KIRREL3: variants seen among roughly 807,000 people sequenced by gnomAD.
KIRREL3 encodes kin of IRRE-like protein 3.
A neutral mutation model predicts 89.7 loss-of-function variants in KIRREL3; 36 were observed. That is an observed-to-expected ratio of 0.40 (90% CI 0.31 to 0.53). The LOEUF is 0.53. KIRREL3 is among the 20% of genes least tolerant of loss of function. The pLI, the probability that KIRREL3 is intolerant of heterozygous loss-of-function variation, is 0.49. For missense variants in KIRREL3, 864 were observed against 1,056.6 expected, an observed-to-expected ratio of 0.82 and a Z score of 2.53; for synonymous variants, 445 against 441.4, an observed-to-expected ratio of 1.01 and a Z score of -0.10.
At chr11:126,834,126 C>T (rs1052941697) in intron 1 of KIRREL3, among the ~76,000 whole-genome samples, 1 of 152,166 alleles carries the variant, frequency 6.6e-6, no homozygotes. Context: ...TAACCTACTG[C>T]AATACATAAA....
Position 126,903,122 on chromosome 11 carries a change from G to T in KIRREL3, c.55+97333C>A, listed in dbSNP as rs148101253. Among the ~76,000 whole-genome samples the T allele has an allele frequency of 2.6e-5, 4 of 152,238 alleles. No individual in the cohort carries two copies. The highest frequency in any genetic ancestry group is 9.6e-5 in the African/African-American group (4 of 41,534). ...AATTATTTAAAAAAGAATAGCTGTG[G>T]TAAAGCACTCTCTCAGGCACAAATA... On this transcript the variant is annotated intron_variant, in intron 1 of 16. Coordinates refer to ENST00000525144, the MANE Select transcript of KIRREL3 (RefSeq NM_032531.4). The surrounding 1 kb of genome is among the most constrained non-coding windows in gnomAD (Gnocchi z 4.5).
intron 1 of KIRREL3, among the ~76,000 whole-genome samples, chr11:126,813,818 A>T (rs1164206344): frequency 6.6e-6 from 1 of 152,178 alleles, no homozygotes; most frequent in African/African-American, 2.4e-5. Context: ...CCCTAGAAGA[A>T]AATCTAGGCA....
intron 1 of KIRREL3, among the ~76,000 whole-genome samples, chr11:126,765,234 C>T (rs931011717): frequency 3.9e-5 from 6 of 152,164 alleles, no homozygotes; most frequent in African/African-American, 1.4e-4. Context: ...TCAGTTTCCT[C>T]ATCTGTAAAA....
rs374459331 is a variant in KIRREL3, at chr11:126,884,432, T to C, written c.55+116023A>G. ...CCCAATACATGTGCATTAAAAAGTTTATACTCTGGGCTCAAAGTTCAAGCA... is the reference window on the plus strand; with the variant it reads ...CCCAATACATGTGCATTAAAAAGTTCATACTCTGGGCTCAAAGTTCAAGCA... On this transcript the variant is annotated intron_variant, in intron 1 of 16. Transcript: ENST00000525144. Among the ~76,000 whole-genome samples, 169 of 152,342 alleles carry C rather than the reference T, an allele frequency of 1.1e-3. 3 individuals are homozygous for C. The highest frequency in any genetic ancestry group is 3.8e-3 in the African/African-American group (159 of 41,584).
chr11:126,457,274 T>G (rs552965307), intron 6 of KIRREL3, among the ~76,000 whole-genome samples: 2 of 151,004 alleles, frequency 1.3e-5, no homozygotes, highest in Admixed American at 6.6e-5. Flanking sequence ...CATGTGTGTG[T>G]ATGCATATGT....
In KIRREL3 at chr11:126,519,981, G is replaced by A. The variant is rs564289404; in HGVS notation, c.433+1334C>T. Among the ~76,000 whole-genome samples the A allele has an allele frequency of 6.6e-5, 10 of 152,024 alleles. No individual in the cohort carries two copies. The East Asian group carries it at 1.7e-3, about 26-fold the overall frequency. ...GGTTTATTTTCTCATTCCTTTCATC[G>A]CAGGCCTGGGGAGACTCAAAGGTTG... On this transcript the variant is annotated intron_variant, in intron 4 of 16. Transcript: ENST00000525144. The surrounding 1 kb of genome is among the most constrained non-coding windows in gnomAD (Gnocchi z 4.3).
rs1945424953 is a variant in KIRREL3 at position 126,879,758 on chromosome 11, G to T, written c.55+120697C>A. Among the ~76,000 whole-genome samples, 1 of 152,166 alleles carries T rather than the reference G, an allele frequency of 6.6e-6. No individual in the cohort carries two copies. The highest frequency in any genetic ancestry group is 1.5e-5 in the Non-Finnish European group (1 of 68,036). On this transcript the variant is annotated intron_variant, in intron 1 of 16. Coordinates refer to ENST00000525144, the MANE Select transcript of KIRREL3 (RefSeq NM_032531.4). The surrounding 1 kb of genome is among the most constrained non-coding windows in gnomAD (Gnocchi z 5.4). ...TGAGAGAATTATCCTTTGGCCAAGA[G>T]ACCACTTAGAGGAATGGTAAAGGAC... is the stretch of plus-strand genomic sequence containing the variant.
chr11:126,660,419 A>G (rs942257997), intron 1 of KIRREL3, among the ~76,000 whole-genome samples: 5 of 152,184 alleles, frequency 3.3e-5, no homozygotes, highest in Non-Finnish European at 7.3e-5. Flanking sequence ...GCATTGCATC[A>G]TTGCATTTGT....
intron 5 of KIRREL3, among the ~76,000 whole-genome samples, chr11:126,465,144 G>A (rs1639115287): frequency 6.6e-6 from 1 of 152,076 alleles, no homozygotes; most frequent in Non-Finnish European, 1.5e-5. Flanking sequence ...GCTACTAGGA[G>A]GTACTAGGAA....
At chr11:126,616,532 G>C (rs1317189546) in intron 1 of KIRREL3, among the ~76,000 whole-genome samples, 1 of 152,202 alleles carries the variant, frequency 6.6e-6, no homozygotes, top group Non-Finnish European at 1.5e-5. Context: ...GCCAGCATTT[G>C]AGAATCAAGT....
chr11:126,976,075 T>C lies in KIRREL3; in HGVS notation c.55+24380A>G, dbSNP rs55769644. The stretch of plus-strand genomic sequence containing the variant: ...ACATCAGCAGAGGGTGCCATGGGGG[T>C]GTTAGCATCTTCCAGATGAACACAT... On this transcript the variant is annotated intron_variant, in intron 1 of 16. Transcript: ENST00000525144. The surrounding 1 kb of genome is among the most constrained non-coding windows in gnomAD (Gnocchi z 4.2). 0.13 allele frequency among the ~76,000 whole-genome samples: 19,454 copies of C among 151,196 alleles called. 1,415 individuals carry two copies. The highest frequency in any genetic ancestry group is 0.26 in the East Asian group (1,314 of 5,112).
chr11:126,657,437 T>G (rs910348315), intron 1 of KIRREL3, among the ~76,000 whole-genome samples: 5 of 152,080 alleles, frequency 3.3e-5, no homozygotes, highest in Non-Finnish European at 5.9e-5. Context: ...CAGAAAGACA[T>G]GGATCAGGAG....
At chr11:126,803,378 G>A (rs1207077927) in intron 1 of KIRREL3, among the ~76,000 whole-genome samples, 1 of 152,064 alleles carries the variant, frequency 6.6e-6, no homozygotes, top group African/African-American at 2.4e-5. Flanking sequence ...AGGTATGAGA[G>A]GTGCATTGGA....
rs975702099 is a variant in KIRREL3 at position 126,471,656 on chromosome 11, G to A, written c.591+1653C>T. Among the ~76,000 whole-genome samples, 11 of 152,046 alleles carry A rather than the reference G, an allele frequency of 7.2e-5. No homozygotes were observed. The highest frequency in any genetic ancestry group is 2.4e-4 in the African/African-American group (10 of 41,392). ...GGGTGGTCTGATGTGTGGCCCTGGG[G>A]AGATTTAGGGTAGGGGTATAATGTC... On this transcript the variant is annotated intron_variant, in intron 5 of 16. Coordinates refer to ENST00000525144, the MANE Select transcript of KIRREL3 (RefSeq NM_032531.4). This position sits in a 1 kb window ranked among gnomAD's most constrained non-coding sequence, Gnocchi z 5.4.
At chr11:126,692,544 CAAAAAAAAAAAAAAAA>C (rs71048799) in intron 1 of KIRREL3, among the ~76,000 whole-genome samples, 9 of 42,690 alleles carry the variant, frequency 2.1e-4, no homozygotes, top group African/African-American at 1.0e-3. Flanking sequence ...GACTCTGTCT[CAAAAAAAAAAAAAAAA>C]AAAAAAAAAA....
chr11:126,636,921 G>A lies in KIRREL3; in HGVS notation c.56-74009C>T, dbSNP rs983511526. Among the ~76,000 whole-genome samples, 1 of 152,182 alleles carries A rather than the reference G, an allele frequency of 6.6e-6. No individual in the cohort carries two copies. The highest frequency in any genetic ancestry group is 1.5e-5 in the Non-Finnish European group (1 of 68,036). On this transcript the variant is annotated intron_variant, in intron 1 of 16. Transcript: ENST00000525144. This position sits in a 1 kb window ranked among gnomAD's most constrained non-coding sequence, Gnocchi z 4.4. ...GTAACACCTATATCATGGCATTACTGGAAGATAAAAAGAGATGACTGAGGG... is the reference window on the plus strand; with the variant it reads ...GTAACACCTATATCATGGCATTACTAGAAGATAAAAAGAGATGACTGAGGG...
rs746185418 is a variant in KIRREL3 at position 126,748,403 on chromosome 11, AC to A, written c.56-185492del. Among the ~76,000 whole-genome samples, 75 of 152,284 alleles carry A rather than the reference AC, an allele frequency of 4.9e-4. 1 individual carries two copies. The highest frequency in any genetic ancestry group is 6.8e-3 in the Middle Eastern group (2 of 294). On this transcript the variant is annotated intron_variant, in intron 1 of 16. Coordinates refer to ENST00000525144, the MANE Select transcript of KIRREL3 (RefSeq NM_032531.4). The surrounding 1 kb of genome is among the most constrained non-coding windows in gnomAD (Gnocchi z 4.6). ...ATAATCTTGCCATTGCATCTGCAAA[AC>A]CCCAGACTCAGGCCCCAAAAGGTTA...
chr11:126,712,983 G>T (rs552121224), intron 1 of KIRREL3, among the ~76,000 whole-genome samples: 2,131 of 152,260 alleles, frequency 0.014, 55 homozygotes, highest in African/African-American at 0.048. Context: ...TGGGTGCTAG[G>T]TGCTAGGCAC....
intron 15 of KIRREL3, 81 bp from the exon 16 acceptor site, chr11:126,425,805 C>T: frequency 8.6e-7 from 1 of 1,163,590 alleles, no homozygotes; most frequent in South Asian, 1.3e-5. Context: ...AGATCAGAAA[C>T]TCAAAAGATT....
Sources: gnomAD v4.1 joint callset for allele counts (sites outside exome capture counted in the v4.1 genomes callset) on GRCh38, gnomAD v4.1.1 for gene constraint, Gnocchi (gnomAD v3.1) non-coding constraint, MANE v1.5 for transcripts, NCBI Gene and HGNC (gene_info 2026-07-23, HGNC 2026-07-21) for gene names.